The following EBF1 variants were observed in gnomAD, a reference collection of about 807,000 sequenced individuals.
EBF1 encodes the protein transcription factor COE1.
EBF1 carries 10 observed loss-of-function variants against 68.4 expected under a neutral mutation model. That is an observed-to-expected ratio of 0.15 (90% confidence interval 0.09 to 0.25). EBF1 has a LOEUF of 0.25. Ranked by LOEUF, EBF1 falls within the 10% of genes least tolerant of loss-of-function variation. The pLI is 1.00. For synonymous variants in EBF1, 298 were observed against 299.8 expected (o/e 0.99, Z 0.06); for missense variants, 509 against 794.4 (o/e 0.64, Z 4.32).
chr5:158,955,029 C>G (rs1025737811), intron 6 of EBF1, among the ~76,000 whole-genome samples: 3 of 151,996 alleles, frequency 2.0e-5, no homozygotes, highest in Non-Finnish European at 2.9e-5. Flanking sequence ...AAAAAAATTA[C>G]AGAGAAGTAA....
chr5:158,926,125 A>G (rs1238012808), intron 6 of EBF1, among the ~76,000 whole-genome samples: 1 of 152,202 alleles, frequency 6.6e-6, no homozygotes, highest in Non-Finnish European at 1.5e-5. Context: ...TAAGGGTTAT[A>G]TTTCTAAACC....
At chr5:159,030,925 C>T (rs1768674646) in intron 6 of EBF1, among the ~76,000 whole-genome samples, 1 of 152,146 alleles carries the variant, frequency 6.6e-6, no homozygotes, top group African/African-American at 2.4e-5. Context: ...ATAATCCCAG[C>T]ACTTTCGGAG....
At chr5:158,755,791 A>G (rs1007930202) in intron 10 of EBF1, among the ~76,000 whole-genome samples, 2 of 152,064 alleles carry the variant, frequency 1.3e-5, no homozygotes, top group Non-Finnish European at 2.9e-5. Context: ...TTTGGGGAGA[A>G]CCTCTATGTT....
At chr5:158,864,148 C>T (rs558144200) in intron 6 of EBF1, among the ~76,000 whole-genome samples, 93 of 143,266 alleles carry the variant, frequency 6.5e-4, no homozygotes, top group African/African-American at 2.3e-3. Context: ...CACTTGAACC[C>T]GGGAGGTGGA....
chr5:158,941,381 T>C (rs1027928165), intron 6 of EBF1, among the ~76,000 whole-genome samples: 2 of 152,220 alleles, frequency 1.3e-5, no homozygotes, highest in African/African-American at 2.4e-5. Flanking sequence ...GAACCATCTA[T>C]AGTCAGAGCC....
intron 6 of EBF1, among the ~76,000 whole-genome samples, chr5:158,965,384 G>A (rs1239402153): frequency 1.3e-5 from 2 of 152,186 alleles, no homozygotes; most frequent in Non-Finnish European, 2.9e-5. Context: ...CTTGTGCTCA[G>A]TGGATTTGCC....
At chr5:159,006,703 A>G (rs1233157133) in intron 6 of EBF1, among the ~76,000 whole-genome samples, 1 of 146,204 alleles carries the variant, frequency 6.8e-6, no homozygotes, top group Non-Finnish European at 1.5e-5. Context: ...GGTTCTCACT[A>G]ATGATGAAAT....
chr5:158,924,297 G>C (rs1809099935), intron 6 of EBF1, among the ~76,000 whole-genome samples: 2 of 152,188 alleles, frequency 1.3e-5, no homozygotes, highest in African/African-American at 4.8e-5. Flanking sequence ...AGAGTGGAAG[G>C]AGGTTTTCCA....
chr5:159,082,431 T>C (rs1779908040), intron 5 of EBF1, among the ~76,000 whole-genome samples: 1 of 152,222 alleles, frequency 6.6e-6, no homozygotes, highest in Admixed American at 6.5e-5. Context: ...ACCATATGGC[T>C]AATGGTGGTG....
intron 5 of EBF1, chr5:159,073,790 C>G (rs969792517): frequency 7.1e-5 from 19 of 268,490 alleles, no homozygotes; most frequent in African/African-American, 3.9e-4. Context: ...TTGCATCTAC[C>G]CAATGAGAAT....
chr5:159,003,781 G>T lies in EBF1; in HGVS notation c.554+69615C>A, dbSNP rs559051746. 4.6e-3 allele frequency among the ~76,000 whole-genome samples: 701 copies of T among 152,296 alleles called. 3 individuals are homozygous for T. The highest frequency in any genetic ancestry group is 8.4e-3 in the Non-Finnish European group (571 of 68,022). ...TCCACACTTCAGCTCTAGTAGGTGT[G>T]ATCTATCACTGCTCCCGTTCTAAAG... On this transcript the variant is annotated intron_variant, in intron 6 of 15. Transcript: ENST00000313708.
At chr5:158,813,899 A>G (rs1783180940) in intron 8 of EBF1, among the ~76,000 whole-genome samples, 1 of 152,202 alleles carries the variant, frequency 6.6e-6, no homozygotes, top group African/African-American at 2.4e-5. Flanking sequence ...ACTTGCCCAT[A>G]AACATCATTT....
chr5:158,766,874 C>A (rs1334894678), intron 10 of EBF1, among the ~76,000 whole-genome samples: 2 of 152,144 alleles, frequency 1.3e-5, no homozygotes, highest in Non-Finnish European at 2.9e-5. Flanking sequence ...TTAGTACCTT[C>A]TTTGAATACC....
intron 6 of EBF1, among the ~76,000 whole-genome samples, chr5:159,004,827 C>A (rs1318775626): frequency 6.6e-6 from 1 of 152,106 alleles, no homozygotes; most frequent in Non-Finnish European, 1.5e-5. Context: ...GGCAATGCTG[C>A]TTGAAATTTA....
chr5:159,095,016 A>T (rs967300122), intron 4 of EBF1, among the ~76,000 whole-genome samples: 6 of 152,202 alleles, frequency 3.9e-5, no homozygotes, highest in Non-Finnish European at 8.8e-5. Flanking sequence ...AAGCTCACTC[A>T]TGCTGCCTGG....
chr5:158,837,085 T>C (rs1005714407), intron 7 of EBF1, among the ~76,000 whole-genome samples: 1 of 152,204 alleles, frequency 6.6e-6, no homozygotes, highest in Admixed American at 6.5e-5. Flanking sequence ...TTATCAGATA[T>C]AGGACTAATC....
chr5:158,880,287 A>G (rs1230491200), intron 6 of EBF1, among the ~76,000 whole-genome samples: 1 of 152,210 alleles, frequency 6.6e-6, no homozygotes, highest in South Asian at 2.1e-4. Flanking sequence ...CAAGGGTTAT[A>G]AACTTGATAA....
Position 158,992,884 on chromosome 5 carries a change from T to C in EBF1, c.554+80512A>G, listed in dbSNP as rs576806805. The stretch of plus-strand genomic sequence containing the variant: ...GTAATTTTATAGGATTTATCTCCAC[T>C]AAGGGGTATATTAAGAGCCCTGCTG... On this transcript the variant is annotated intron_variant, in intron 6 of 15. Coordinates refer to ENST00000313708, the MANE Select transcript of EBF1 (RefSeq NM_024007.5). Among the ~76,000 whole-genome samples the C allele has an allele frequency of 3.7e-3, 557 of 148,832 alleles. 6 individuals carry two copies. Among genetic ancestry groups the C allele is most frequent in the African/African-American group, 0.013 (535 of 40,962 alleles).
chr5:159,087,204 A>T (rs1780794470), intron 4 of EBF1, among the ~76,000 whole-genome samples: 1 of 150,962 alleles, frequency 6.6e-6, no homozygotes, highest in South Asian at 2.1e-4. Flanking sequence ...GCTAAGCTAA[A>T]AGAAGTAAGC....
Sources: allele counts gnomAD v4.1 joint callset (sites outside exome capture counted in the v4.1 genomes callset), GRCh38; gene constraint gnomAD v4.1.1; transcripts MANE v1.5; gene names NCBI Gene and HGNC (gene_info 2026-07-23, HGNC 2026-07-21).